Variants in EMB observed in about 807,000 individuals in gnomAD.
The protein encoded by EMB is embigin.
EMB carries 31 observed loss-of-function variants against 41.4 expected under a neutral mutation model. The observed-to-expected ratio is 0.75, with a 90% CI of 0.56 to 1.01. EMB has a LOEUF of 1.01. Ranked by LOEUF, EMB falls within the 50% of genes least tolerant of loss-of-function variation. The probability of loss-of-function intolerance (pLI) is 0.00; values close to 1 mark genes in which losing one functional copy is unlikely to be tolerated. For synonymous variants in EMB, 137 were observed against 140.4 expected, an observed-to-expected ratio of 0.98 and a Z score of 0.17; for missense variants, 379 against 388.3, an observed-to-expected ratio of 0.98 and a Z score of 0.20.
chr5:50,431,982 T>G (rs1745727731), intron 1 of EMB, among the ~76,000 whole-genome samples: 1 of 152,212 alleles, frequency 6.6e-6, no homozygotes, highest in South Asian at 2.1e-4. Context: ...GAAGGGCATA[T>G]AATTTATTCT....
intron 6 of EMB, among the ~76,000 whole-genome samples, chr5:50,402,671 A>T (rs937713857): frequency 1.3e-5 from 2 of 151,942 alleles, no homozygotes. Context: ...CCCATCAGGC[A>T]CAGGCCGCAA....
chr5:50,427,005 G>A (rs1283163681), intron 2 of EMB, among the ~76,000 whole-genome samples: 5 of 151,802 alleles, frequency 3.3e-5, no homozygotes, highest in African/African-American at 1.2e-4. Context: ...GTTTTACCTA[G>A]CAGCTTCTGA....
rs1745117420 is a variant in EMB at position 50,399,139 on chromosome 5, C to G, written c.*134G>C. 8.2e-7 allele frequency: 1 copy of G among 1,218,222 alleles called. No homozygotes were observed. The highest frequency in any genetic ancestry group is 1.1e-6 in the Non-Finnish European group (1 of 893,268). 75.5% of individuals were successfully genotyped at this position (1,218,222 alleles called of 1,614,324 possible). On this transcript the variant is annotated 3_prime_UTR_variant, in exon 9 of 9. Coordinates refer to ENST00000303221, the MANE Select transcript of EMB (RefSeq NM_198449.3). The stretch of plus-strand genomic sequence containing the variant: ...TCTGACATATATCGTTGATGAAGCT[C>G]CTGCTGAGCATGTTGCATAAGCTTT...
At chr5:50,401,277 G>A (rs1308196423) in intron 7 of EMB, among the ~76,000 whole-genome samples, 1 of 151,918 alleles carries the variant, frequency 6.6e-6, no homozygotes, top group Non-Finnish European at 1.5e-5. Context: ...TATTTTAGCA[G>A]CCTATGTGAA....
At chr5:50,431,560 C>T (rs994896611) in intron 1 of EMB, among the ~76,000 whole-genome samples, 4 of 152,056 alleles carry the variant, frequency 2.6e-5, no homozygotes, top group Non-Finnish European at 4.4e-5. Context: ...TTTCCAAACG[C>T]CATATGCCCA....
chr5:50,433,753 T>G (rs1452570282), intron 1 of EMB, among the ~76,000 whole-genome samples: 1 of 152,220 alleles, frequency 6.6e-6, no homozygotes, highest in African/African-American at 2.4e-5. Flanking sequence ...ACAAATTTGG[T>G]GGCAAAAACA....
intron 1 of EMB, among the ~76,000 whole-genome samples, chr5:50,438,363 G>C (rs1745840001): frequency 6.6e-6 from 1 of 152,146 alleles, no homozygotes; most frequent in Non-Finnish European, 1.5e-5. Context: ...AATTCCCCAG[G>C]AGTGCAGAGG....
At chr5:50,420,100 T>C (rs2111822795) in intron 2 of EMB, among the ~76,000 whole-genome samples, 1 of 152,202 alleles carries the variant, frequency 6.6e-6, no homozygotes, top group Middle Eastern at 3.4e-3. Context: ...AGGTGATGGA[T>C]TGATAGGTGC....
chr5:50,403,151 AC>A (rs200555049), intron 6 of EMB, 26 bp downstream of exon 6: 23,206 of 1,379,020 alleles, frequency 0.017, 239 homozygotes, highest in South Asian at 0.03. Context: ...TCTAAAAAAA[AC>A]AAAAAACAAA....
intron 5 of EMB, among the ~76,000 whole-genome samples, chr5:50,405,330 C>CA (rs1745229826): frequency 6.6e-6 from 1 of 151,780 alleles, no homozygotes; most frequent in South Asian, 2.1e-4. Context: ...TTTCAGGAGA[C>CA]AGAAGCCCAA....
chr5:50,421,570 A>G (rs1013718048), intron 2 of EMB, among the ~76,000 whole-genome samples: 11 of 152,212 alleles, frequency 7.2e-5, no homozygotes, highest in African/African-American at 2.7e-4. Context: ...ATTATCAATC[A>G]TGCTTCTATA....
At chr5:50,436,039 G>A (rs1206808556) in intron 1 of EMB, among the ~76,000 whole-genome samples, 2 of 152,100 alleles carry the variant, frequency 1.3e-5, no homozygotes, top group South Asian at 2.1e-4. Flanking sequence ...AGAAGCCTTG[G>A]TTACTATTAG....
At chr5:50,419,141 C>T (rs147760152) in intron 2 of EMB, among the ~76,000 whole-genome samples, 13 of 152,316 alleles carry the variant, frequency 8.5e-5, no homozygotes, top group Admixed American at 8.5e-4. Flanking sequence ...CTCAGATCAG[C>T]CAGTCCCTGG....
rs1745194332 is a variant in EMB, at chr5:50,403,206, C to T, written c.849G>A (p.Lys283=). Residue 283 remains lysine (K), a synonymous_variant, in exon 6 of 9, where the codon AAG becomes AAA. Transcript: ENST00000303221. ...LLVATILLCE[K]YTQKKKKHSD... The stretch of plus-strand genomic sequence containing the variant: ...AGTGCTTCTTTTTCTTTTGTGTGTA[C>T]TTTTCACAAAGCAGAATGGTGGCCA... The T allele has an allele frequency of 6.2e-7, 1 of 1,609,276 alleles. No homozygotes were observed. The highest frequency in any genetic ancestry group is 1.3e-5 in the African/African-American group (1 of 74,174).
rs956331730 is a variant in EMB, at chr5:50,397,014, T to A, written c.*2259A>T. On this transcript the variant is annotated 3_prime_UTR_variant, in exon 9 of 9. Transcript: ENST00000303221. ...AAGATTTACACTTTGGCAAAAAATG[T>A]ATATGAAAGTATCTGGGAATTTTAT... 15 of 152,094 alleles carry A rather than the reference T, an allele frequency of 9.9e-5. No individual in the cohort carries two copies. Among genetic ancestry groups the A allele is most frequent in the Non-Finnish European group, 1.9e-4 (13 of 68,002 alleles). 9.4% of individuals were successfully genotyped at this position (152,094 alleles called of 1,614,324 possible).
chr5:50,412,939 TA>T lies in EMB; in HGVS notation c.197-1557del, dbSNP rs201086499. On this transcript the variant is annotated intron_variant, in intron 2 of 8. Transcript: ENST00000303221. The stretch of plus-strand genomic sequence containing the variant: ...ATCTGGGATTTCTGGGATACTGGTG[TA>T]AAAAAAAAAAGGGTGCACTAGAGCA... 1.6e-3 allele frequency among the ~76,000 whole-genome samples: 223 copies of T among 136,732 alleles called. 2 individuals carry two copies. The highest frequency in any genetic ancestry group is 4.3e-3 in the African/African-American group (161 of 37,388). The allele number at this position is 136,732 out of a possible 152,430, so 89.7% of individuals were successfully genotyped here. A position where few individuals can be genotyped will look rare whatever the true frequency, so the allele number is the denominator to read the frequency against.
chr5:50,412,261 C>G (rs1443866333), intron 2 of EMB, among the ~76,000 whole-genome samples: 6 of 148,208 alleles, frequency 4.0e-5, no homozygotes, highest in African/African-American at 1.5e-4. Flanking sequence ...CACACAGACA[C>G]ACACACACAC....
At chr5:50,430,019 A>ACG (rs1745690892) in intron 1 of EMB, among the ~76,000 whole-genome samples, 1 of 151,412 alleles carries the variant, frequency 6.6e-6, no homozygotes, top group African/African-American at 2.4e-5. Flanking sequence ...ACACACACAC[A>ACG]CACACAAACA....
At chr5:50,421,936 C>A (rs1745531449) in intron 2 of EMB, among the ~76,000 whole-genome samples, 2 of 150,582 alleles carry the variant, frequency 1.3e-5, no homozygotes, top group Middle Eastern at 3.4e-3. Flanking sequence ...AGGAGATATA[C>A]CTGATGTTAA....
Sources: gnomAD v4.1 joint callset for allele counts (sites outside exome capture counted in the v4.1 genomes callset) on GRCh38, gnomAD v4.1.1 for gene constraint, MANE v1.5 for transcripts, NCBI Gene and HGNC (gene_info 2026-07-23, HGNC 2026-07-21) for gene names.